The following STAG1 variants were observed in gnomAD, a reference collection of about 807,000 sequenced individuals.
STAG1 encodes cohesin subunit SA-1.
Under a neutral mutation model 170.9 loss-of-function variants are expected in STAG1, and 26 were observed. That is an observed-to-expected ratio of 0.15 (90% CI 0.11 to 0.21). The LOEUF (loss-of-function observed/expected upper bound fraction) is 0.21. Among genes scored for constraint, STAG1 ranks in the 10% least tolerant of loss-of-function variants. The pLI is 1.00. For synonymous variants in STAG1, 514 were observed against 497.7 expected, an observed-to-expected ratio of 1.03 and a Z score of -0.44; for missense variants, 964 against 1,509.5, an observed-to-expected ratio of 0.64 and a Z score of 5.99.
chr3:136,709,622 C>A (rs912611143), intron 1 of STAG1, among the ~76,000 whole-genome samples: 7 of 151,808 alleles, frequency 4.6e-5, no homozygotes, highest in African/African-American at 1.7e-4. Context: ...GTTGTCCCGG[C>A]TACTAGGGAG....
intron 1 of STAG1, among the ~76,000 whole-genome samples, chr3:136,642,539 C>T (rs538935190): frequency 6.6e-6 from 1 of 152,166 alleles, no homozygotes; most frequent in African/African-American, 2.4e-5. Context: ...ATGCTGGGAT[C>T]ACAAGCGTGA....
chr3:136,460,074 AACC>A (rs1187964409), intron 13 of STAG1, among the ~76,000 whole-genome samples: 1 of 152,194 alleles, frequency 6.6e-6, no homozygotes. Flanking sequence ...AGACCAATGA[AACC>A]ACAATTGGTT....
At chr3:136,728,138 A>G (rs1933793862) in intron 1 of STAG1, among the ~76,000 whole-genome samples, 1 of 152,166 alleles carries the variant, frequency 6.6e-6, no homozygotes, top group African/African-American at 2.4e-5. Context: ...AGCCTGGGCA[A>G]CAAGTGCGAA....
In STAG1 at chr3:136,436,431, A is replaced by C. The variant is rs529833001; in HGVS notation, c.1547-2772T>G. On this transcript the variant is annotated intron_variant, in intron 15 of 33. Transcript: ENST00000383202. Reference sequence around the variant, plus strand: ...TGAGTAGCTGGGATTACAGGCATGTACCACCACGCCCAGCTAATTTTTGTA... The same window carrying C: ...TGAGTAGCTGGGATTACAGGCATGTCCCACCACGCCCAGCTAATTTTTGTA... 4.0e-5 allele frequency among the ~76,000 whole-genome samples: 6 copies of C among 151,278 alleles called. No individual in the cohort carries two copies. The East Asian group carries it at 1.2e-3, about 30-fold the overall frequency.
Position 136,658,421 on chromosome 3 carries a change from G to A in STAG1, c.-83-27440C>T, listed in dbSNP as rs570250474. On this transcript the variant is annotated intron_variant, in intron 1 of 33. Coordinates refer to ENST00000383202, the MANE Select transcript of STAG1 (RefSeq NM_005862.3). Reference sequence around the variant, plus strand: ...AAAAAAAAATCAAAGGTAATTTAGGGTGTTGGTAGATATTGATTTGTATCA... The same window carrying A: ...AAAAAAAAATCAAAGGTAATTTAGGATGTTGGTAGATATTGATTTGTATCA... Among the ~76,000 whole-genome samples, 87 of 152,076 alleles carry A rather than the reference G, an allele frequency of 5.7e-4. 1 individual carries two copies. In the South Asian group the frequency reaches 0.018, roughly 31 times the overall value.
At chr3:136,729,697 C>G (rs1293611062) in intron 1 of STAG1, among the ~76,000 whole-genome samples, 1 of 148,092 alleles carries the variant, frequency 6.8e-6, no homozygotes, top group African/African-American at 2.5e-5. Flanking sequence ...CTCAGCCTCT[C>G]GAGTAGCTGG....
chr3:136,745,138 C>G (rs1042454255), intron 1 of STAG1, among the ~76,000 whole-genome samples: 4 of 152,092 alleles, frequency 2.6e-5, no homozygotes, highest in Non-Finnish European at 5.9e-5. Flanking sequence ...AGCTAGAAAA[C>G]AAGTTAAAAG....
In STAG1 at chr3:136,369,185, G is replaced by C; in HGVS notation, c.2468C>G (p.Thr823Ser). 1 of 1,604,942 alleles carries C rather than the reference G, an allele frequency of 6.2e-7. No homozygotes were observed. Among genetic ancestry groups the C allele is most frequent in the Non-Finnish European group, 8.5e-7 (1 of 1,177,592 alleles). ...ACTGAGGAGTTCAGATTGGAGTCCA[G>C]TATCTGGATTGAACACCAAAGGCTG... ...GLQPLVFNPD[T>S]GLQSELLSFV... Residue 823 changes from threonine (T) to serine (S), a missense_variant, in exon 24 of 34, where the codon ACT becomes AGT. This residue lies in a region of STAG1 where 149 missense variants were observed against 301.3 expected (regional missense o/e 0.49). Coordinates refer to ENST00000383202, the MANE Select transcript of STAG1 (RefSeq NM_005862.3).
At chr3:136,541,995 T>C in intron 6 of STAG1, 124 bp downstream of exon 6, 1 of 711,406 alleles carries the variant, frequency 1.4e-6, no homozygotes, top group Non-Finnish European at 2.4e-6. Flanking sequence ...GATTATCATA[T>C]ATAATTAAAA....
intron 4 of STAG1, among the ~76,000 whole-genome samples, chr3:136,603,217 A>C (rs1938758441): frequency 6.6e-6 from 1 of 151,580 alleles, no homozygotes; most frequent in Admixed American, 6.6e-5. Flanking sequence ...TTTGAGATAG[A>C]GTCTGGCTCT....
chr3:136,548,251 T>C (rs1368850680), intron 5 of STAG1, among the ~76,000 whole-genome samples: 1 of 152,010 alleles, frequency 6.6e-6, no homozygotes, highest in East Asian at 1.9e-4. Context: ...TAGCTGGGAC[T>C]ACAAGCAAGC....
Position 136,357,805 on chromosome 3 carries a change from G to C in STAG1, c.2980C>G (p.Gln994Glu). Residue 994 changes from glutamine to glutamate, a missense_variant, in exon 28 of 34, where the codon CAA becomes GAA. By Grantham distance (29) the Gln-to-Glu change is conservative (BLOSUM62 2). Transcript: ENST00000383202. ...GCCAGATTAGGAGGTGGATACTCTT[G>C]TCCTTTCTGATTTTGGTATTTAAAT... is the stretch of plus-strand genomic sequence containing the variant. ...FAFKYQNQKG[Q>E]EYPPPNLAFL... 1 of 1,601,650 alleles carries C rather than the reference G, an allele frequency of 6.2e-7. No homozygotes were observed. The highest frequency in any genetic ancestry group is 8.5e-7 in the Non-Finnish European group (1 of 1,176,134).
chr3:136,574,760 T>C (rs796416570), intron 4 of STAG1, among the ~76,000 whole-genome samples: 2 of 152,260 alleles, frequency 1.3e-5, no homozygotes, highest in Non-Finnish European at 2.9e-5. Flanking sequence ...TGGTAACTGA[T>C]AGAAGAAGCA....
chr3:136,452,016 C>A lies in STAG1; in HGVS notation c.1428+17G>T, dbSNP rs2088956949. The A allele has an allele frequency of 6.6e-7, 1 of 1,511,358 alleles. No individual in the cohort carries two copies. The allele number at this position is 1,511,358 out of a possible 1,614,324, so 93.6% of individuals were successfully genotyped here. On this transcript the variant is annotated intron_variant, in intron 14 of 33. Coordinates refer to ENST00000383202, the MANE Select transcript of STAG1 (RefSeq NM_005862.3). ...TATAATAAAAGAAATAAGGAATTATCTTAAAACATTTTTTACCTCACTTTC... is the reference window on the plus strand; with the variant it reads ...TATAATAAAAGAAATAAGGAATTATATTAAAACATTTTTTACCTCACTTTC...
intron 13 of STAG1, among the ~76,000 whole-genome samples, chr3:136,461,525 T>C (rs553543356): frequency 1.3e-5 from 2 of 148,856 alleles, no homozygotes; most frequent in Non-Finnish European, 3.0e-5. Flanking sequence ...ACAGCAAAAG[T>C]GAACAATCTG....
At chr3:136,651,471 T>G (rs1298164482) in intron 1 of STAG1, among the ~76,000 whole-genome samples, 1 of 151,926 alleles carries the variant, frequency 6.6e-6, no homozygotes, top group Non-Finnish European at 1.5e-5. Context: ...TTGTAAATAT[T>G]AAAATATTAA....
chr3:136,604,401 G>C lies in STAG1; in HGVS notation c.205C>G (p.Arg69Gly), dbSNP rs756665199. 1 of 1,613,174 alleles carries C rather than the reference G, an allele frequency of 6.2e-7. No homozygotes were observed. Among genetic ancestry groups the C allele is most frequent in the African/African-American group, 1.3e-5 (1 of 74,750 alleles). Residue 69 changes from arginine to glycine, a missense_variant, in exon 4 of 34, where the codon CGT (arginine) becomes GGT (glycine). Transcript: ENST00000383202. ...TGAGGGTGTCCATTAGCTCTTCCACGGCCTGCTCCTCTAATTCCAGCTTCA... is the reference window on the plus strand; with the variant it reads ...TGAGGGTGTCCATTAGCTCTTCCACCGCCTGCTCCTCTAATTCCAGCTTCA... ...RIEAGIRGAG[R>G]GRANGHPQQN...
intron 5 of STAG1, among the ~76,000 whole-genome samples, chr3:136,546,330 T>TG (rs1936153804): frequency 6.6e-6 from 1 of 152,144 alleles, no homozygotes; most frequent in Non-Finnish European, 1.5e-5. Context: ...CTGTGGCACA[T>TG]GGACTCCAAA....
intron 4 of STAG1, among the ~76,000 whole-genome samples, chr3:136,594,870 A>G (rs1471543106): frequency 6.6e-6 from 1 of 152,146 alleles, no homozygotes; most frequent in Non-Finnish European, 1.5e-5. Flanking sequence ...TCCCGGGCTC[A>G]GGTGATTTTC....
Sources: allele counts gnomAD v4.1 joint callset (sites outside exome capture counted in the v4.1 genomes callset), GRCh38; gene constraint gnomAD v4.1.1; regional missense constraint gnomAD v4.1.1; transcripts MANE v1.5; gene names NCBI Gene and HGNC (gene_info 2026-07-23, HGNC 2026-07-21).